Variants in SSUH2 observed in about 807,000 individuals in gnomAD.
The protein encoded by SSUH2 is protein SSUH2 homolog.
A neutral mutation model predicts 55.3 loss-of-function variants in SSUH2; 47 were observed. The ratio of observed to expected loss-of-function variants is 0.85; its 90% CI spans 0.67 to 1.08. The LOEUF is 1.08. Among genes scored for constraint, SSUH2 ranks in the 50% least tolerant of loss-of-function variants. The probability of loss-of-function intolerance (pLI) is 0.00; values close to 1 mark genes in which losing one functional copy is unlikely to be tolerated. For synonymous variants in SSUH2, 212 were observed against 191.5 expected (o/e 1.11, Z -0.89); for missense variants, 535 against 490.7 (o/e 1.09, Z -0.85).
chr3:8,659,694 T>C, intron 6 of SSUH2: 1 of 445,702 alleles, frequency 2.2e-6, no homozygotes, highest in Non-Finnish European at 4.5e-6. Context: ...CCAGTATTCA[T>C]CCATCTACCA....
At chr3:8,667,069 A>G (rs1413389759) in intron 5 of SSUH2, among the ~76,000 whole-genome samples, 1 of 152,232 alleles carries the variant, frequency 6.6e-6, no homozygotes, top group East Asian at 1.9e-4. Context: ...GCAAGATGAC[A>G]CAGTAAAGTG....
chr3:8,620,136 C>T, intron 11 of SSUH2, 122 bp from the exon 12 acceptor site: 1 of 1,101,504 alleles, frequency 9.1e-7, no homozygotes, highest in Admixed American at 2.7e-5. Context: ...AGTTGGCATT[C>T]AATATGGTTT....
chr3:8,656,368 C>T (rs1702932770), intron 7 of SSUH2, among the ~76,000 whole-genome samples: 1 of 152,204 alleles, frequency 6.6e-6, no homozygotes, highest in Non-Finnish European at 1.5e-5. Context: ...CTCCTGGAAC[C>T]TCGCTGCTGC....
chr3:8,640,384 T>C (rs1478809591), intron 1 of SSUH2, among the ~76,000 whole-genome samples: 4 of 152,146 alleles, frequency 2.6e-5, no homozygotes, highest in Admixed American at 6.5e-5. Flanking sequence ...GAAAACCTGA[T>C]CATATCACCC....
chr3:8,681,223 T>TTAGGAACCCCGTCGCAGATCCTAAGATC (rs1705923316), intron 1 of SSUH2, among the ~76,000 whole-genome samples: 1 of 142,452 alleles, frequency 7.0e-6, no homozygotes, highest in Admixed American at 7.0e-5. Context: ...CCCCCCTGGC[T>TTAGGAACCCCGTCGCAGATCCTAAGATC]CTCAGGACCC....
intron 1 of SSUH2, 56 bp from the exon 2 acceptor site, chr3:8,635,913 G>A (rs1699852098): frequency 6.9e-7 from 1 of 1,441,666 alleles, no homozygotes; most frequent in Non-Finnish European, 9.3e-7. Context: ...GCTGATGAGG[G>A]CTTCACAGGA....
intron 1 of SSUH2, among the ~76,000 whole-genome samples, chr3:8,680,559 T>C (rs1248497539): frequency 6.6e-6 from 1 of 152,074 alleles, no homozygotes; most frequent in African/African-American, 2.4e-5. Context: ...TATCCTCCTC[T>C]CCCACGCTGA....
At position 8,679,301 on chromosome 3, in the gene SSUH2, CATGAGGCGGGGACTAAGA is replaced by C. The variant is rs1575415116; in HGVS notation, c.-901+386_-901+403del. On this transcript the variant is annotated intron_variant, in intron 2 of 18. Transcript: ENST00000317371. ...CCATCGGAGGGGGGGAGCCACCCCC[CATGAGGCGGGGACTAAGA>C]GCCAGCCCCTCTTCCCGCCCCTTGC... Among the ~76,000 whole-genome samples the C allele has an allele frequency of 2.7e-5, 3 of 110,138 alleles. No individual in the cohort carries two copies. The East Asian group carries it at 7.2e-4, about 27-fold the overall frequency. 72.3% of individuals were successfully genotyped at this position (110,138 alleles called of 152,430 possible).
At chr3:8,664,145 A>AGGGAGAG (rs1380346446) in intron 5 of SSUH2, among the ~76,000 whole-genome samples, 4 of 152,208 alleles carry the variant, frequency 2.6e-5, no homozygotes, top group African/African-American at 7.2e-5. Flanking sequence ...GTGTTTCTCT[A>AGGGAGAG]GGGAGAGAGG....
intron 3 of SSUH2, among the ~76,000 whole-genome samples, chr3:8,676,738 T>C (rs1705329530): frequency 6.6e-6 from 1 of 150,988 alleles, no homozygotes; most frequent in African/African-American, 2.4e-5. Context: ...GGAATTACTA[T>C]CATTCTCTCC....
At position 8,623,644 on chromosome 3, in the gene SSUH2, C is replaced by A. The variant is rs1283655234; in HGVS notation, c.886G>T (p.Val296Leu). Reference sequence around the variant, plus strand: ...GAGATGTCTCGCAGAGGGAAGTCCACGATGGGGTACACCTGGGGGAAAGAG... The same window carrying A: ...GAGATGTCTCGCAGAGGGAAGTCCAAGATGGGGTACACCTGGGGGAAAGAG... ...KDENSVVYPI[V>L]DFPLRDISLA... Residue 296 changes from valine to leucine, a missense_variant, in exon 11 of 12, where the codon GTG becomes TTG. By Grantham distance (32) the Val-to-Leu change is conservative (BLOSUM62 1). Transcript: ENST00000544814. 1.1e-5 allele frequency: 17 copies of A among 1,524,582 alleles called. No individual in the cohort carries two copies. Among genetic ancestry groups the A allele is most frequent in the Non-Finnish European group, 1.5e-5 (17 of 1,125,988 alleles). 94.4% of individuals were successfully genotyped at this position (1,524,582 alleles called of 1,614,324 possible). A position where few individuals can be genotyped will look rare whatever the true frequency, so the allele number is the denominator to read the frequency against.
intron 1 of SSUH2, among the ~76,000 whole-genome samples, chr3:8,643,394 T>C (rs1701186275): frequency 6.6e-6 from 1 of 152,212 alleles, no homozygotes; most frequent in African/African-American, 2.4e-5. Flanking sequence ...AGACTGCTAA[T>C]AAACAGTGTT....
At chr3:8,674,745 C>T (rs1705034917) in intron 3 of SSUH2, among the ~76,000 whole-genome samples, 1 of 152,096 alleles carries the variant, frequency 6.6e-6, no homozygotes, top group Admixed American at 6.5e-5. Context: ...CTCTTTGCTG[C>T]TAAAGTTACC....
In SSUH2 at chr3:8,633,713, C is replaced by A. The variant is rs1699352777; in HGVS notation, c.292G>T (p.Ala98Ser). Reference sequence around the variant, plus strand: ...AGCTCCTGGATGACGAGGTCTCCAGCCACCGTGCTGCTGTAGCAGCACTTA... The same window carrying A: ...AGCTCCTGGATGACGAGGTCTCCAGACACCGTGCTGCTGTAGCAGCACTTA... ...DSKCCYSSTV[A>S]GDLVIQELKR... The change falls in exon 4 of 12, where the codon GCT becomes TCT. Residue 98 changes from alanine (A) to serine (S), a missense_variant. Coordinates refer to ENST00000544814, the MANE Select transcript of SSUH2 (RefSeq NM_001256748.3). 2 of 1,552,464 alleles carry A rather than the reference C, an allele frequency of 1.3e-6. No individual in the cohort carries two copies. Among genetic ancestry groups the A allele is most frequent in the Non-Finnish European group, 1.7e-6 (2 of 1,149,068 alleles).
At chr3:8,665,257 AAAG>A (rs1255768002) in intron 5 of SSUH2, among the ~76,000 whole-genome samples, 1 of 152,226 alleles carries the variant, frequency 6.6e-6, no homozygotes, top group South Asian at 2.1e-4. Context: ...AAAGGAAGAT[AAAG>A]AAGAAAACAG....
intron 3 of SSUH2, 61 bp downstream of exon 3, chr3:8,635,239 C>G (rs1437727862): frequency 4.3e-6 from 6 of 1,410,498 alleles, no homozygotes; most frequent in Non-Finnish European, 4.8e-6. Flanking sequence ...GGCTGAGATC[C>G]TCAAGGGGCA....
In SSUH2 at chr3:8,621,660, G is replaced by T. The variant is rs919282645; in HGVS notation, c.982-1646C>A. 3.3e-5 allele frequency among the ~76,000 whole-genome samples: 5 copies of T among 152,182 alleles called. No homozygotes were observed. The East Asian group carries it at 9.6e-4, about 29-fold the overall frequency. On this transcript the variant is annotated intron_variant, in intron 11 of 11. Coordinates refer to ENST00000544814, the MANE Select transcript of SSUH2 (RefSeq NM_001256748.3). ...TGGGAATAAAAACTCTTATTTCACA[G>T]AGTTGTTGAGACAACCAGATAAGAC...
intron 2 of SSUH2, among the ~76,000 whole-genome samples, chr3:8,679,393 G>C (rs1019036475): frequency 2.6e-5 from 3 of 116,292 alleles, no homozygotes; most frequent in Non-Finnish European, 3.9e-5. Context: ...AGGAGGAGGG[G>C]ACTGAGAGCC....
chr3:8,625,218 G>T (rs1243350086), intron 10 of SSUH2, among the ~76,000 whole-genome samples: 4 of 151,896 alleles, frequency 2.6e-5, no homozygotes, highest in African/African-American at 9.7e-5. Flanking sequence ...AGGAAGGAGG[G>T]GATGAGGAAG....
Sources: gnomAD v4.1 joint callset for allele counts (sites outside exome capture counted in the v4.1 genomes callset) on GRCh38, gnomAD v4.1.1 for gene constraint, MANE v1.5 for transcripts, NCBI Gene and HGNC (gene_info 2026-07-23, HGNC 2026-07-21) for gene names.